The following WBP2NL variants were observed in gnomAD, a reference collection of about 807,000 sequenced individuals.
The protein encoded by WBP2NL is WBP2 N-terminal like.
Under a neutral mutation model 23.3 loss-of-function variants are expected in WBP2NL, and 27 were observed. The observed-to-expected ratio is 1.16, with a 90% CI of 0.85 to 1.60. WBP2NL has a LOEUF of 1.60. Among genes scored for constraint, WBP2NL ranks in the 40% most tolerant of loss-of-function variants. The probability of loss-of-function intolerance (pLI) is 0.00; values close to 1 mark genes in which losing one functional copy is unlikely to be tolerated. For synonymous variants in WBP2NL, 151 were observed against 145.9 expected, an observed-to-expected ratio of 1.03 and a Z score of -0.25; for missense variants, 370 against 389.5, an observed-to-expected ratio of 0.95 and a Z score of 0.42.
intron 1 of WBP2NL, among the ~76,000 whole-genome samples, chr22:42,011,798 A>C (rs1922844743): frequency 6.6e-6 from 1 of 150,896 alleles, no homozygotes; most frequent in Admixed American, 6.6e-5. Flanking sequence ...TTGGAGACAG[A>C]GTCTTACTCT....
rs773798802 is a variant in WBP2NL, at chr22:42,026,941, A to G, written c.690A>G (p.Gly230=). Residue 230 remains glycine (G), a synonymous_variant, in exon 6 of 6, where the codon GGA becomes GGG. Coordinates refer to ENST00000328823, the MANE Select transcript of WBP2NL (RefSeq NM_152613.3). ...TTGGATACGGAGCCCCACCTGCAGG[A>G]TATGGAGCCCCACCTCTAGGATATG... ...PPLGYGAPPA[G]YGAPPLGYGA... is the part of the protein sequence containing the mutation. The G allele has an allele frequency of 6.2e-7, 1 of 1,611,776 alleles. No individual in the cohort carries two copies. Among genetic ancestry groups the G allele is most frequent in the South Asian group, 1.1e-5 (1 of 90,970 alleles).
Position 41,998,823 on chromosome 22 carries a change from C to G in WBP2NL, c.5C>G (p.Ala2Gly). 1 of 1,609,764 alleles carries G rather than the reference C, an allele frequency of 6.2e-7. No homozygotes were observed. The highest frequency in any genetic ancestry group is 8.5e-7 in the Non-Finnish European group (1 of 1,177,398). Residue 2 changes from alanine (A) to glycine (G), a missense_variant, in exon 1 of 6, where the codon GCG becomes GGG. By Grantham distance (60) the Ala-to-Gly change is moderately conservative. Coordinates refer to ENST00000328823, the MANE Select transcript of WBP2NL (RefSeq NM_152613.3). M[A>G]VNQSHTENRR... The stretch of plus-strand genomic sequence containing the variant: ...CGGCAGGAGGCCCGAAGCAAGATGG[C>G]GGTGAATCAGAGCCACACCGAGAAC...
At chr22:42,012,661 G>T (rs1273487249) in intron 1 of WBP2NL, among the ~76,000 whole-genome samples, 1 of 151,978 alleles carries the variant, frequency 6.6e-6, no homozygotes, top group Non-Finnish European at 1.5e-5. Context: ...ATTTTTGAAG[G>T]ATAGTTTTGC....
intron 8 of WBP2NL, among the ~76,000 whole-genome samples, chr22:42,038,232 T>G (rs1490172627): frequency 6.6e-6 from 1 of 152,206 alleles, no homozygotes; most frequent in Non-Finnish European, 1.5e-5. Flanking sequence ...ACTGATGTGA[T>G]CATCTGTTTT....
intron 1 of WBP2NL, among the ~76,000 whole-genome samples, chr22:42,009,944 G>T (rs1922651794): frequency 6.6e-6 from 1 of 152,094 alleles, no homozygotes; most frequent in African/African-American, 2.4e-5. Flanking sequence ...ATGAACATGG[G>T]ATATCTTTCC....
intron 5 of WBP2NL, among the ~76,000 whole-genome samples, chr22:42,022,797 A>G (rs992746788): frequency 1.3e-5 from 2 of 152,222 alleles, no homozygotes; most frequent in African/African-American, 4.8e-5. Flanking sequence ...GTTTCTGGAA[A>G]GTAATTCTCA....
downstream of WBP2NL, among the ~76,000 whole-genome samples, chr22:42,037,850 A>AGTGTGTGT (rs145563548): frequency 7.2e-4 from 104 of 143,812 alleles, no homozygotes; most frequent in African/African-American, 2.4e-3. Flanking sequence ...AGAGAGTGAG[A>AGTGTGTGT]GTGTGTGTGT....
At chr22:42,001,279 A>G in intron 1 of WBP2NL, 1 of 689,014 alleles carries the variant, frequency 1.5e-6, no homozygotes, top group Non-Finnish European at 2.7e-6. Context: ...TGTTAAATGA[A>G]TAGGAAGTCA....
At chr22:42,018,285 C>T (rs1191237748) in intron 1 of WBP2NL, among the ~76,000 whole-genome samples, 1 of 143,502 alleles carries the variant, frequency 7.0e-6, no homozygotes, top group Non-Finnish European at 1.5e-5. Context: ...TGCACTCCAG[C>T]CTGGGCAACA....
chr22:42,055,402 C>T (rs970258000), intron 8 of WBP2NL, among the ~76,000 whole-genome samples: 2 of 152,094 alleles, frequency 1.3e-5, no homozygotes, highest in African/African-American at 4.8e-5. Flanking sequence ...CTGGAACTCC[C>T]GACCTCAGGT....
rs1219928759 is a variant in WBP2NL at position 42,017,240 on chromosome 22, C to T, written c.63-2071C>T. On this transcript the variant is annotated intron_variant, in intron 1 of 5. Transcript: ENST00000328823. The stretch of plus-strand genomic sequence containing the variant: ...AAGCAATCTTCCCACCTCAGCCTTC[C>T]GAGTAGCTGAGATTACAGGCATGTA... Among the ~76,000 whole-genome samples, 13 of 152,146 alleles carry T rather than the reference C, an allele frequency of 8.5e-5. No homozygotes were observed. The East Asian group carries it at 2.1e-3, about 25-fold the overall frequency.
chr22:42,048,410 T>C (rs930415436), intron 8 of WBP2NL, among the ~76,000 whole-genome samples: 11 of 146,620 alleles, frequency 7.5e-5, no homozygotes, highest in Non-Finnish European at 1.6e-4. Context: ...AAGAAAAATA[T>C]ATCAATAGAT....
At chr22:42,029,331 G>A (rs1328739591), downstream of WBP2NL, among the ~76,000 whole-genome samples, 1 of 148,886 alleles carries the variant, frequency 6.7e-6, no homozygotes, top group Non-Finnish European at 1.5e-5. Context: ...AGGTGTTGTG[G>A]TGTGCACTTG....
chr22:42,028,693 A>G (rs1292619646), downstream of WBP2NL, among the ~76,000 whole-genome samples: 3 of 152,232 alleles, frequency 2.0e-5, no homozygotes, highest in Non-Finnish European at 4.4e-5. Flanking sequence ...TCCAAATAAA[A>G]CAAAGTTTAG....
intron 8 of WBP2NL, among the ~76,000 whole-genome samples, chr22:42,053,274 A>G (rs891587659): frequency 1.3e-5 from 2 of 152,196 alleles, no homozygotes; most frequent in African/African-American, 4.8e-5. Flanking sequence ...GAATAATGCT[A>G]TGAACATTCA....
rs746353007 is a variant in WBP2NL, at chr22:42,019,686, A to G, written c.196A>G (p.Ile66Val). The change falls in exon 3 of 6, where the codon ATC becomes GTC. Residue 66 changes from isoleucine to valine, a missense_variant. Physicochemically the swap from Ile to Val is conservative, Grantham distance 29 (BLOSUM62 3). Transcript: ENST00000328823. ...GGTGATTTTCATAACTTCATGCTCC[A>G]TCAGTGATCCCATGTTGTCTTTTAT... is the stretch of plus-strand genomic sequence containing the variant. ...YRVIFITSCSISDPMLSFMMP... is the reference protein window; with the variant it reads ...YRVIFITSCSVSDPMLSFMMP... 1.5e-5 allele frequency: 24 copies of G among 1,614,080 alleles called. No individual in the cohort carries two copies. In the Admixed American group the frequency reaches 1.7e-4, roughly 11 times the overall value.
At chr22:42,051,334 A>G (rs1925831365) in intron 8 of WBP2NL, among the ~76,000 whole-genome samples, 1 of 150,000 alleles carries the variant, frequency 6.7e-6, no homozygotes, top group African/African-American at 2.4e-5. Context: ...GATGGCCAGG[A>G]GTGGGGGAGA....
rs375995054 is a variant in WBP2NL at position 42,054,895 on chromosome 22, G to GA, written c.*274-3387dup. On this transcript the variant is annotated intron_variant and NMD_transcript_variant, in intron 8 of 8. Coordinates refer to the WBP2NL transcript ENST00000436265. ...AGAGTGAGACCTGGTGTCTAAAAAA[G>GA]AAAAAAAATCAATTAGCTATAGATG... Among the ~76,000 whole-genome samples, 361 of 151,494 alleles carry GA rather than the reference G, an allele frequency of 2.4e-3. 1 individual carries two copies. The highest frequency in any genetic ancestry group is 8.4e-3 in the African/African-American group (349 of 41,332).
chr22:42,001,252 C>T (rs548146919), intron 1 of WBP2NL: 2 of 691,894 alleles, frequency 2.9e-6, no homozygotes, highest in Non-Finnish European at 5.3e-6. Context: ...ACTGCATCAT[C>T]ATGTAGCAGC....
Sources: gnomAD v4.1 joint callset for allele counts (sites outside exome capture counted in the v4.1 genomes callset) on GRCh38, gnomAD v4.1.1 for gene constraint, MANE v1.5 for transcripts, NCBI Gene and HGNC (gene_info 2026-07-23, HGNC 2026-07-21) for gene names.